Variants in LRIG1 observed in about 807,000 individuals in gnomAD.
LRIG1 encodes the protein leucine-rich repeats and immunoglobulin-like domains protein 1.
In LRIG1, 48 loss-of-function variants were observed where a neutral mutation model predicts 99.2. The observed-to-expected ratio is 0.48, with a 90% CI of 0.38 to 0.62. The LOEUF is 0.62. LRIG1 is among the 20% of genes least tolerant of loss of function. The probability of loss-of-function intolerance (pLI) is 0.00; values close to 1 mark genes in which losing one functional copy is unlikely to be tolerated. For synonymous variants in LRIG1, 772 were observed against 596.1 expected (o/e 1.29, Z -4.30); for missense variants, 1,646 against 1,434.4 (o/e 1.15, Z -2.38).
At chr3:66,381,714 T>C in intron 16 of LRIG1, 83 bp from the exon 17 acceptor site, 4 of 1,456,946 alleles carry the variant, frequency 2.7e-6, no homozygotes, top group Non-Finnish European at 9.4e-7. Context: ...GCAAGGCCGC[T>C]AGAACAGTCA....
intron 1 of LRIG1, among the ~76,000 whole-genome samples, chr3:66,488,258 C>A (rs1217148130): frequency 2.0e-5 from 3 of 151,900 alleles, no homozygotes; most frequent in Non-Finnish European, 4.4e-5. Context: ...TAAGAGGTAA[C>A]CAATGCAAAC....
At chr3:66,493,209 T>C (rs1411362222) in intron 1 of LRIG1, among the ~76,000 whole-genome samples, 2 of 151,930 alleles carry the variant, frequency 1.3e-5, no homozygotes, top group East Asian at 1.9e-4. Context: ...GACTGAGAGG[T>C]GCTACTTGCA....
intron 1 of LRIG1, among the ~76,000 whole-genome samples, chr3:66,493,221 C>A (rs1362471059): frequency 1.3e-5 from 2 of 152,100 alleles, no homozygotes; most frequent in African/African-American, 4.8e-5. Flanking sequence ...CTACTTGCAC[C>A]TTGGTAGGGC....
intron 12 of LRIG1, among the ~76,000 whole-genome samples, chr3:66,388,974 G>T (rs976320901): frequency 1.3e-5 from 2 of 152,208 alleles, no homozygotes; most frequent in African/African-American, 4.8e-5. Context: ...CACAGGATAC[G>T]TGTATTTTTG....
intron 9 of LRIG1, chr3:66,404,217 TA>T: frequency 7.8e-7 from 1 of 1,286,472 alleles, no homozygotes; most frequent in Non-Finnish European, 1.0e-6. Flanking sequence ...ATCTACTATA[TA>T]AAAAGACTCT....
chr3:66,454,586 C>G (rs1165982556), intron 2 of LRIG1, among the ~76,000 whole-genome samples: 1 of 152,200 alleles, frequency 6.6e-6, no homozygotes, highest in African/African-American at 2.4e-5. Context: ...TCTGAAACGT[C>G]TGGTCTCTAT....
At chr3:66,468,953 C>T (rs1013158318) in intron 1 of LRIG1, 4 of 152,152 alleles carry the variant, frequency 2.6e-5, no homozygotes, top group Non-Finnish European at 4.4e-5. Flanking sequence ...AATAAGACTT[C>T]GTTCAAATCC....
At position 66,381,504 on chromosome 3, in the gene LRIG1, T is replaced by A; in HGVS notation, c.2745A>T (p.Glu915Asp). 2 of 1,613,938 alleles carry A rather than the reference T, an allele frequency of 1.2e-6. No individual in the cohort carries two copies. The highest frequency in any genetic ancestry group is 1.7e-6 in the Non-Finnish European group (2 of 1,179,832). ...CCATCTTATGTGGCCCAGGTGTCCC[T>A]TCAGCTTTCTCCATCGCTTTCCACG... The part of the protein sequence containing the change: ...KEPWKAMEKA[E>D]GTPGPHKMEH... Residue 915 changes from glutamate (E) to aspartate (D), a missense_variant, in exon 17 of 19, where the codon GAA (glutamate) becomes GAT (aspartate). By Grantham distance (45) the Glu-to-Asp change is conservative. Transcript: ENST00000273261.
intron 1 of LRIG1, among the ~76,000 whole-genome samples, chr3:66,486,781 C>T (rs1374244322): frequency 1.3e-5 from 2 of 152,170 alleles, no homozygotes; most frequent in Admixed American, 6.5e-5. Flanking sequence ...GTATTTTAAA[C>T]TCTGACTAGA....
rs1054757319 is a variant in LRIG1 at position 66,379,245 on chromosome 3, C to T, written c.*1018G>A. On this transcript the variant is annotated 3_prime_UTR_variant, in exon 19 of 19. Coordinates refer to ENST00000273261, the MANE Select transcript of LRIG1 (RefSeq NM_015541.3). ...AGGGCTGTCCTTTCCAGTCCCAGCT[C>T]AGTTTCATCTGTGCGAAGGAATGGC... 6 of 152,618 alleles carry T rather than the reference C, an allele frequency of 3.9e-5. No homozygotes were observed. Among genetic ancestry groups the T allele is most frequent in the Non-Finnish European group, 7.3e-5 (5 of 68,034 alleles). The allele number at this position is 152,618 out of a possible 1,614,324, so 9.5% of individuals were successfully genotyped here.
chr3:66,474,297 A>G (rs1299908743), intron 1 of LRIG1, among the ~76,000 whole-genome samples: 1 of 152,118 alleles, frequency 6.6e-6, no homozygotes, highest in Non-Finnish European at 1.5e-5. Context: ...ATCATTCGCC[A>G]AAGTCCCTAA....
rs1374053590 is a variant in LRIG1, at chr3:66,500,974, C to G, written c.-567G>C. 6.6e-6 allele frequency: 1 copy of G among 152,140 alleles called. No homozygotes were observed. The highest frequency in any genetic ancestry group is 1.5e-5 in the Non-Finnish European group (1 of 68,108). The allele number at this position is 152,140 out of a possible 1,614,324, so 9.4% of individuals were successfully genotyped here. On this transcript the variant is annotated 5_prime_UTR_variant, in exon 1 of 19. Coordinates refer to ENST00000273261, the MANE Select transcript of LRIG1 (RefSeq NM_015541.3). The stretch of plus-strand genomic sequence containing the variant: ...CCTCGGGTTCCGCACGGCTCCTCCG[C>G]GCAGCAAGAGTCCCGCCGACCTCGC...
intron 3 of LRIG1, among the ~76,000 whole-genome samples, chr3:66,437,897 C>T (rs1703411753): frequency 6.6e-6 from 1 of 152,176 alleles, no homozygotes; most frequent in South Asian, 2.1e-4. Flanking sequence ...GAGACACACC[C>T]AGTGTGGGCT....
intron 2 of LRIG1, among the ~76,000 whole-genome samples, chr3:66,455,101 C>T (rs1176551274): frequency 1.3e-5 from 2 of 152,140 alleles, no homozygotes; most frequent in African/African-American, 2.4e-5. Context: ...CAGGCCACCA[C>T]ACTCAGCTAA....
intron 2 of LRIG1, among the ~76,000 whole-genome samples, chr3:66,456,739 C>T (rs979279097): frequency 6.6e-6 from 1 of 152,140 alleles, no homozygotes; most frequent in African/African-American, 2.4e-5. Context: ...TGCGATGAAC[C>T]ACAAATACCC....
chr3:66,492,639 G>C (rs1701128972), intron 1 of LRIG1, among the ~76,000 whole-genome samples: 1 of 152,078 alleles, frequency 6.6e-6, no homozygotes, highest in Admixed American at 6.5e-5. Context: ...CTTAAAAAGA[G>C]GCCATGCTTT....
At chr3:66,489,430 G>A (rs939232778) in intron 1 of LRIG1, among the ~76,000 whole-genome samples, 14 of 152,240 alleles carry the variant, frequency 9.2e-5, no homozygotes, top group African/African-American at 2.4e-4. Flanking sequence ...ACTGAGGTAG[G>A]AGGATCACTT....
At chr3:66,404,021 G>A (rs1168566168) in intron 9 of LRIG1, among the ~76,000 whole-genome samples, 2 of 152,156 alleles carry the variant, frequency 1.3e-5, no homozygotes, top group Non-Finnish European at 2.9e-5. Context: ...TTAAAGGCTG[G>A]GGAAAATCAG....
intron 10 of LRIG1, 64 bp downstream of exon 10, chr3:66,398,903 TAGC>T: frequency 7.6e-7 from 1 of 1,324,460 alleles, no homozygotes; most frequent in South Asian, 1.2e-5. Context: ...ATTAAATTGC[TAGC>T]AGAACTCCCC....
Sources: gnomAD v4.1 joint callset for allele counts (sites outside exome capture counted in the v4.1 genomes callset) on GRCh38, gnomAD v4.1.1 for gene constraint, MANE v1.5 for transcripts, NCBI Gene and HGNC (gene_info 2026-07-23, HGNC 2026-07-21) for gene names.